Variants in PLXDC2 observed in about 807,000 individuals in gnomAD.
PLXDC2 encodes plexin domain-containing protein 2.
In PLXDC2, 40 loss-of-function variants were observed where a neutral mutation model predicts 68.9. The observed-to-expected ratio is 0.58, with a 90% confidence interval of 0.45 to 0.76. The LOEUF (loss-of-function observed/expected upper bound fraction) is 0.76. PLXDC2 is among the 30% of genes least tolerant of loss of function. The pLI, the probability that PLXDC2 is intolerant of heterozygous loss-of-function variation, is 0.00. For missense variants in PLXDC2, 644 were observed against 661.9 expected, an observed-to-expected ratio of 0.97 and a Z score of 0.30; for synonymous variants, 243 against 234.2, an observed-to-expected ratio of 1.04 and a Z score of -0.34.
Position 20,245,463 on chromosome 10 carries a change from G to C in PLXDC2, c.1431G>C (p.Met477Ile), listed in dbSNP as rs1186196955. ...VATAILVTVY[M>I]YHHPTSAASI... The stretch of plus-strand genomic sequence containing the variant: ...CAGCCATTCTTGTGACAGTCTATAT[G>C]TATCACCACCCAACATCAGCAGCCA... The change falls in exon 13 of 14, where the codon ATG becomes ATC. Residue 477 changes from methionine (M) to isoleucine (I), a missense_variant. Coordinates refer to ENST00000377252, the MANE Select transcript of PLXDC2 (RefSeq NM_032812.9). 6.2e-7 allele frequency: 1 copy of C among 1,613,096 alleles called. No homozygotes were observed. Among genetic ancestry groups the C allele is most frequent in the African/African-American group, 1.3e-5 (1 of 75,010 alleles).
chr10:19,912,390 G>T (rs1434909153), intron 1 of PLXDC2, among the ~76,000 whole-genome samples: 1 of 152,134 alleles, frequency 6.6e-6, no homozygotes, highest in Non-Finnish European at 1.5e-5. Context: ...TTAACAAAAT[G>T]AGCTAGAACT....
intron 1 of PLXDC2, among the ~76,000 whole-genome samples, chr10:19,864,810 C>G (rs1468469455): frequency 1.3e-5 from 2 of 152,102 alleles, no homozygotes; most frequent in African/African-American, 4.8e-5. Context: ...GAAAACAACT[C>G]AGGAAGGAAT....
chr10:20,066,362 A>G (rs1053553090), intron 3 of PLXDC2, among the ~76,000 whole-genome samples: 7 of 152,206 alleles, frequency 4.6e-5, no homozygotes, highest in African/African-American at 1.7e-4. Flanking sequence ...GTGGTAATTG[A>G]TAGGGTTCAT....
chr10:20,195,832 A>G (rs568249070), intron 9 of PLXDC2, among the ~76,000 whole-genome samples: 1 of 152,116 alleles, frequency 6.6e-6, no homozygotes, highest in Admixed American at 6.6e-5. Context: ...CAACCTTAAA[A>G]CACCAGAAGC....
Position 19,825,382 on chromosome 10 carries a change from T to G in PLXDC2, c.112+8191T>G, listed in dbSNP as rs144452441. Among the ~76,000 whole-genome samples, 600 of 152,316 alleles carry G rather than the reference T, an allele frequency of 3.9e-3. 3 individuals are homozygous for G. The highest frequency in any genetic ancestry group is 0.014 in the African/African-American group (567 of 41,568). ...TGAAAGTCAATTCTCTATGTATTCC[T>G]TGGAGTGTTCAGTGATACAAAAAGT... On this transcript the variant is annotated intron_variant, in intron 1 of 13. Coordinates refer to ENST00000377252, the MANE Select transcript of PLXDC2 (RefSeq NM_032812.9).
At chr10:20,131,478 C>A (rs770074193) in intron 4 of PLXDC2, among the ~76,000 whole-genome samples, 36 of 152,128 alleles carry the variant, frequency 2.4e-4, no homozygotes, top group Non-Finnish European at 4.3e-4. Context: ...CAGTGCACTG[C>A]AACCTCCGCC....
At chr10:19,884,287 A>G (rs1837798067) in intron 1 of PLXDC2, among the ~76,000 whole-genome samples, 1 of 152,182 alleles carries the variant, frequency 6.6e-6, no homozygotes, top group Admixed American at 6.5e-5. Context: ...GAAATTAAAG[A>G]TGAGAGTTTA....
At chr10:20,199,968 A>C (rs1385058635) in intron 9 of PLXDC2, among the ~76,000 whole-genome samples, 1 of 151,982 alleles carries the variant, frequency 6.6e-6, no homozygotes, top group Non-Finnish European at 1.5e-5. Flanking sequence ...AAGAGTTTCG[A>C]GAAATAAACT....
chr10:20,242,465 G>A (rs757731099), intron 12 of PLXDC2, among the ~76,000 whole-genome samples: 7 of 152,126 alleles, frequency 4.6e-5, no homozygotes, highest in South Asian at 2.1e-4. Context: ...TATTGACTGC[G>A]TTTTGGAGAT....
intron 1 of PLXDC2, among the ~76,000 whole-genome samples, chr10:19,995,894 A>G (rs1403033330): frequency 1.3e-5 from 2 of 152,210 alleles, no homozygotes; most frequent in African/African-American, 4.8e-5. Flanking sequence ...GGGGTAGGGT[A>G]AAGGCTTTCA....
At chr10:20,254,549 GA>G (rs928679743) in intron 13 of PLXDC2, among the ~76,000 whole-genome samples, 1 of 151,930 alleles carries the variant, frequency 6.6e-6, no homozygotes, top group Non-Finnish European at 1.5e-5. Flanking sequence ...AACTCAAGGG[GA>G]AAAAATGATT....
chr10:20,163,590 A>T (rs988756180), intron 6 of PLXDC2, among the ~76,000 whole-genome samples: 3 of 152,014 alleles, frequency 2.0e-5, no homozygotes, highest in Admixed American at 6.6e-5. Flanking sequence ...TTTTCGGTGC[A>T]TTTATTCTTT....
intron 6 of PLXDC2, among the ~76,000 whole-genome samples, chr10:20,154,524 A>G (rs1455813856): frequency 6.6e-6 from 1 of 151,342 alleles, no homozygotes; most frequent in Non-Finnish European, 1.5e-5. Flanking sequence ...AGATCATGCC[A>G]CTGCCTTCCA....
chr10:20,229,250 A>G (rs1835327622), intron 12 of PLXDC2, among the ~76,000 whole-genome samples: 1 of 152,116 alleles, frequency 6.6e-6, no homozygotes, highest in Non-Finnish European at 1.5e-5. Flanking sequence ...TCTTTTCTCC[A>G]TATAGTAAGA....
chr10:19,829,373 T>C (rs1564601943), intron 1 of PLXDC2, among the ~76,000 whole-genome samples: 2 of 152,122 alleles, frequency 1.3e-5, no homozygotes, highest in African/African-American at 2.4e-5. Flanking sequence ...TCCACTTTTA[T>C]AAATGGTGCT....
chr10:19,861,022 TTC>T (rs1247015901), intron 1 of PLXDC2, among the ~76,000 whole-genome samples: 1 of 151,018 alleles, frequency 6.6e-6, no homozygotes, highest in African/African-American at 2.5e-5. Flanking sequence ...TTTTTTTTTT[TTC>T]TTTTTACTTT....
intron 1 of PLXDC2, among the ~76,000 whole-genome samples, chr10:19,913,984 G>C (rs1000587488): frequency 6.6e-6 from 1 of 151,436 alleles, no homozygotes; most frequent in Non-Finnish European, 1.5e-5. Context: ...TGCTTGAAAG[G>C]AAAAGATAAG....
intron 1 of PLXDC2, among the ~76,000 whole-genome samples, chr10:19,944,577 G>C (rs1833871002): frequency 6.6e-6 from 1 of 152,160 alleles, no homozygotes; most frequent in Admixed American, 6.5e-5. Context: ...AGAAACTCCA[G>C]GGCTACCATG....
intron 2 of PLXDC2, among the ~76,000 whole-genome samples, chr10:20,038,372 A>C (rs1259093798): frequency 6.6e-6 from 1 of 152,220 alleles, no homozygotes; most frequent in East Asian, 1.9e-4. Context: ...GAAATGATGA[A>C]GATATGGGTA....
Sources: allele counts gnomAD v4.1 joint callset (sites outside exome capture counted in the v4.1 genomes callset), GRCh38; gene constraint gnomAD v4.1.1; transcripts MANE v1.5; gene names NCBI Gene and HGNC (gene_info 2026-07-23, HGNC 2026-07-21).